NFATC2: variants seen among roughly 807,000 people sequenced by gnomAD.
NFATC2 encodes nuclear factor of activated T cells 2.
Under a neutral mutation model 87.3 loss-of-function variants are expected in NFATC2, and 22 were observed. That is an observed-to-expected ratio of 0.25 (90% confidence interval 0.18 to 0.36). The LOEUF (loss-of-function observed/expected upper bound fraction) is 0.36, where lower values mean the gene tolerates loss of function less well. Among genes scored for constraint, NFATC2 ranks in the 10% least tolerant of loss-of-function variants. The pLI is 1.00. For synonymous variants in NFATC2, 565 were observed against 542.2 expected (o/e 1.04, Z -0.58); for missense variants, 1,149 against 1,259.1 (o/e 0.91, Z 1.32).
intron 6 of NFATC2, among the ~76,000 whole-genome samples, chr20:51,451,635 G>C (rs1985795215): frequency 6.6e-6 from 1 of 152,240 alleles, no homozygotes; most frequent in African/African-American, 2.4e-5. Context: ...GCGGGCGAGA[G>C]AGCAAAGCTT....
In NFATC2 at chr20:51,523,171, T is replaced by C. The variant is rs2076477618; in HGVS notation, c.1070A>G (p.Gln357Arg). The change falls in exon 2 of 11, where the codon CAG becomes CGG. Residue 357 changes from glutamine (Q) to arginine (R), a missense_variant. By Grantham distance (43) the Gln-to-Arg change is conservative. Transcript: ENST00000371564. The surrounding 1 kb of genome is among the most constrained non-coding windows in gnomAD (Gnocchi z 6.9). ...PAVEFLGPCEQGERRNSAPES... is the reference protein window; with the variant it reads ...PAVEFLGPCERGERRNSAPES... Reference sequence around the variant, plus strand: ...TGGAGCCGAGTTTCTCCTCTCGCCCTGCTCGCAGGGCCCCAGGAACTCCAC... The same window carrying C: ...TGGAGCCGAGTTTCTCCTCTCGCCCCGCTCGCAGGGCCCCAGGAACTCCAC... 6.2e-7 allele frequency: 1 copy of C among 1,614,208 alleles called. No individual in the cohort carries two copies. Among genetic ancestry groups the C allele is most frequent in the Non-Finnish European group, 8.5e-7 (1 of 1,180,032 alleles).
In NFATC2 at chr20:51,390,994, G is replaced by GA; in HGVS notation, c.*501dup. ...GTACAGGAGCTGTATCTGTGACCTG[G>GA]AAAAACGAACGCAAGGGCTGGGGTT... On this transcript the variant is annotated 3_prime_UTR_variant, in exon 11 of 11. Transcript: ENST00000371564. 1 of 339,340 alleles carries GA rather than the reference G, an allele frequency of 2.9e-6. No individual in the cohort carries two copies. Among genetic ancestry groups the GA allele is most frequent in the South Asian group, 2.4e-5 (1 of 40,958 alleles). The allele number at this position is 339,340 out of a possible 1,614,324, so 21.0% of individuals were successfully genotyped here. A position where few individuals can be genotyped will look rare whatever the true frequency, so the allele number is the denominator to read the frequency against.
intron 9 of NFATC2, among the ~76,000 whole-genome samples, chr20:51,401,663 T>A (rs940312975): frequency 3.3e-5 from 5 of 152,134 alleles, no homozygotes; most frequent in Non-Finnish European, 5.9e-5. Flanking sequence ...AAAACCACAA[T>A]TACTTTTGCG....
intron 9 of NFATC2, among the ~76,000 whole-genome samples, chr20:51,402,721 AAGC>A (rs1417967617): frequency 6.6e-6 from 1 of 152,208 alleles, no homozygotes; most frequent in Non-Finnish European, 1.5e-5. Context: ...ATGGAATTGT[AAGC>A]AGGTCAGACA....
chr20:51,423,924 G>A (rs555277877), intron 9 of NFATC2, among the ~76,000 whole-genome samples: 7 of 152,308 alleles, frequency 4.6e-5, no homozygotes, highest in South Asian at 4.1e-4. Context: ...ATCACTGAGC[G>A]TTTCTGGGTC....
intron 3 of NFATC2, among the ~76,000 whole-genome samples, chr20:51,491,397 G>C (rs2075880981): frequency 6.6e-6 from 1 of 152,168 alleles, no homozygotes; most frequent in Admixed American, 6.5e-5. Context: ...TCCTTGCTCT[G>C]GGTTTGCATG....
rs201507727 is a variant in NFATC2 at position 51,488,455 on chromosome 20, C to G, written c.1333-12795G>C. ...GGGTGTTTGTCAGCATCACTGGACT[C>G]TACCCAGTAGGTAGCAGCAGCCACC... On this transcript the variant is annotated intron_variant, in intron 3 of 10. Coordinates refer to ENST00000371564, the MANE Select transcript of NFATC2 (RefSeq NM_012340.5). 2.0e-5 allele frequency among the ~76,000 whole-genome samples: 3 copies of G among 152,298 alleles called. No homozygotes were observed. In the East Asian group the frequency reaches 5.8e-4, roughly 29 times the overall value.
intron 5 of NFATC2, among the ~76,000 whole-genome samples, chr20:51,464,990 C>A (rs764222111): frequency 9.9e-5 from 15 of 152,220 alleles, no homozygotes; most frequent in Admixed American, 8.5e-4. Flanking sequence ...TTCTCTACAC[C>A]TCTTCCCTGT....
At chr20:51,452,704 C>T (rs559878143) in intron 6 of NFATC2, among the ~76,000 whole-genome samples, 3 of 152,208 alleles carry the variant, frequency 2.0e-5, no homozygotes, top group African/African-American at 4.8e-5. Context: ...AAGTGCACCA[C>T]GTGAACAAAA....
intron 5 of NFATC2, among the ~76,000 whole-genome samples, chr20:51,463,138 G>A (rs1987324681): frequency 6.6e-6 from 1 of 152,242 alleles, no homozygotes; most frequent in African/African-American, 2.4e-5. Context: ...GCCGACTCAG[G>A]CATCTCCCGG....
At chr20:51,471,296 G>A (rs1206816979) in intron 5 of NFATC2, among the ~76,000 whole-genome samples, 2 of 152,176 alleles carry the variant, frequency 1.3e-5, no homozygotes, top group East Asian at 3.8e-4. Context: ...TTGCCAGAAA[G>A]GGGAGACCTT....
chr20:51,405,019 G>A (rs936088541), intron 9 of NFATC2, among the ~76,000 whole-genome samples: 2 of 152,200 alleles, frequency 1.3e-5, no homozygotes, highest in Non-Finnish European at 2.9e-5. Flanking sequence ...TGAGACTCTG[G>A]TTTCTAGTAA....
At chr20:51,435,132 G>A in intron 8 of NFATC2, 56 bp downstream of exon 8, 1 of 1,602,850 alleles carries the variant, frequency 6.2e-7, no homozygotes, top group South Asian at 1.1e-5. Context: ...GGAGTCCTGA[G>A]CCCTGTGCCT....
At chr20:51,435,683 A>G (rs1600725368) in intron 7 of NFATC2, 23 bp downstream of exon 7, 1 of 1,603,976 alleles carries the variant, frequency 6.2e-7, no homozygotes, top group South Asian at 1.1e-5. Flanking sequence ...ATTGAGAGAC[A>G]CTCAGGTGCG....
intron 1 of NFATC2, among the ~76,000 whole-genome samples, chr20:51,558,586 G>T (rs1440216803): frequency 6.6e-6 from 1 of 152,024 alleles, no homozygotes; most frequent in African/African-American, 2.4e-5. Context: ...TTTATTAAAG[G>T]ATTGAGAACT....
chr20:51,391,301 G>T lies in NFATC2; in HGVS notation c.*195C>A, dbSNP rs1568914917. The T allele has an allele frequency of 2.2e-6, 3 of 1,350,120 alleles. No individual in the cohort carries two copies. The highest frequency in any genetic ancestry group is 1.7e-5 in the Admixed American group (1 of 59,584). The allele number at this position is 1,350,120 out of a possible 1,614,324, so 83.6% of individuals were successfully genotyped here. On this transcript the variant is annotated 3_prime_UTR_variant, in exon 11 of 11. Transcript: ENST00000371564. ...ACATTGATCCGCGTGTGGACTCCGGGCTGGGAGATGAACATGAAAGGAGAC... is the reference window on the plus strand; with the variant it reads ...ACATTGATCCGCGTGTGGACTCCGGTCTGGGAGATGAACATGAAAGGAGAC...
At chr20:51,482,451 GA>G (rs1989344198) in intron 3 of NFATC2, among the ~76,000 whole-genome samples, 1 of 151,954 alleles carries the variant, frequency 6.6e-6, no homozygotes, top group Non-Finnish European at 1.5e-5. Context: ...AATACCCCTT[GA>G]AAATAAGTAA....
chr20:51,439,103 G>A (rs1424324823), intron 6 of NFATC2, among the ~76,000 whole-genome samples: 1 of 152,190 alleles, frequency 6.6e-6, no homozygotes, highest in Non-Finnish European at 1.5e-5. Flanking sequence ...CTGCTTTGCT[G>A]TGCCCTCAAG....
chr20:51,420,113 G>C (rs1980661118), intron 9 of NFATC2, among the ~76,000 whole-genome samples: 1 of 152,020 alleles, frequency 6.6e-6, no homozygotes, highest in Admixed American at 6.6e-5. Context: ...TAAATAAAGG[G>C]AAAGAATCAA....
Sources: gnomAD v4.1 joint callset for allele counts (sites outside exome capture counted in the v4.1 genomes callset) on GRCh38, gnomAD v4.1.1 for gene constraint, Gnocchi (gnomAD v3.1) non-coding constraint, MANE v1.5 for transcripts, NCBI Gene and HGNC (gene_info 2026-07-23, HGNC 2026-07-21) for gene names.